MAD1L1: variants seen among roughly 807,000 people sequenced by gnomAD.
MAD1L1 encodes mitotic spindle assembly checkpoint protein MAD1.
In MAD1L1, 95 loss-of-function variants were observed where a neutral mutation model predicts 96.9. The observed-to-expected ratio is 0.98, with a 90% CI of 0.83 to 1.16. MAD1L1 has a LOEUF of 1.16. Ranked by LOEUF, MAD1L1 falls within the 50% of genes most tolerant of loss-of-function variation. The probability of loss-of-function intolerance (pLI) is 0.00; values close to 1 mark genes in which losing one functional copy is unlikely to be tolerated. For missense variants in MAD1L1, 1,007 were observed against 954.4 expected (o/e 1.06, Z -0.73); for synonymous variants, 473 against 396.6 (o/e 1.19, Z -2.29).
intron 14 of MAD1L1, among the ~76,000 whole-genome samples, chr7:1,986,117 G>A (rs1584000475): frequency 6.6e-6 from 1 of 152,210 alleles, no homozygotes; most frequent in African/African-American, 2.4e-5. Context: ...CAGTGGGGAA[G>A]GACAGGCCTG....
chr7:2,104,231 C>A (rs1014693679), intron 11 of MAD1L1, among the ~76,000 whole-genome samples: 7 of 152,252 alleles, frequency 4.6e-5, no homozygotes, highest in African/African-American at 1.7e-4. Flanking sequence ...GAGGCAAGCC[C>A]GGAGTCCCCT....
chr7:1,888,046 T>C (rs1786247893), intron 18 of MAD1L1, among the ~76,000 whole-genome samples: 1 of 150,606 alleles, frequency 6.6e-6, no homozygotes, highest in South Asian at 2.1e-4. Context: ...AGCATGTGTG[T>C]GTGAGCCTTC....
chr7:2,118,467 C>T (rs1276346463), intron 11 of MAD1L1, among the ~76,000 whole-genome samples: 4 of 152,206 alleles, frequency 2.6e-5, no homozygotes, highest in East Asian at 1.9e-4. Flanking sequence ...GCCGTGTGGG[C>T]GCGGTGAGCA....
chr7:1,882,608 C>T (rs1398413059), intron 18 of MAD1L1, among the ~76,000 whole-genome samples: 1 of 152,218 alleles, frequency 6.6e-6, no homozygotes, highest in African/African-American at 2.4e-5. Context: ...GTCCTGCTCA[C>T]CTCCTTTCCT....
At chr7:2,062,612 C>T (rs967533416) in intron 12 of MAD1L1, among the ~76,000 whole-genome samples, 4 of 152,178 alleles carry the variant, frequency 2.6e-5, no homozygotes, top group African/African-American at 9.6e-5. Flanking sequence ...TCAGGAGGCG[C>T]TTGCCCTGGA....
intron 4 of MAD1L1, chr7:2,223,706 A>C (rs1203432453): frequency 2.0e-5 from 3 of 152,298 alleles, no homozygotes; most frequent in Non-Finnish European, 4.4e-5. Context: ...CCCTTCTGTG[A>C]TGCAGGACAA....
Position 2,142,247 on chromosome 7 carries a change from C to T in MAD1L1, c.1073+6905G>A, listed in dbSNP as rs78417783. ...CCTTCGCCAAAGAACAAGGCAGGCA[C>T]GTGCCAGCATCCGCACTGGAACCAC... On this transcript the variant is annotated intron_variant, in intron 11 of 18. Transcript: ENST00000265854. The surrounding 1 kb of genome is among the most constrained non-coding windows in gnomAD (Gnocchi z 4.7). 8.2e-3 allele frequency among the ~76,000 whole-genome samples: 1,244 copies of T among 152,324 alleles called. 11 individuals are homozygous for T. Among genetic ancestry groups the T allele is most frequent in the Non-Finnish European group, 0.014 (920 of 68,022 alleles).
intron 10 of MAD1L1, among the ~76,000 whole-genome samples, chr7:2,209,290 C>G (rs1046512742): frequency 2.0e-5 from 3 of 152,172 alleles, no homozygotes; most frequent in African/African-American, 4.8e-5. Flanking sequence ...TCTCCTGGGG[C>G]TCAGCCAGGG....
At position 2,142,201 on chromosome 7, in the gene MAD1L1, T is replaced by C. The variant is rs1335961561; in HGVS notation, c.1073+6951A>G. Among the ~76,000 whole-genome samples, 3 of 152,128 alleles carry C rather than the reference T, an allele frequency of 2.0e-5. No homozygotes were observed. The highest frequency in any genetic ancestry group is 7.2e-5 in the African/African-American group (3 of 41,436). On this transcript the variant is annotated intron_variant, in intron 11 of 18. Coordinates refer to ENST00000265854, the MANE Select transcript of MAD1L1 (RefSeq NM_001013836.2). This position sits in a 1 kb window ranked among gnomAD's most constrained non-coding sequence, Gnocchi z 4.7. ...AGACGGCTTTTCAAAGGGCCCACAC[T>C]AGCCAAACTAACCCGAGCAGCCTTC...
intron 17 of MAD1L1, among the ~76,000 whole-genome samples, chr7:1,919,799 G>C (rs1788662174): frequency 6.6e-6 from 1 of 152,246 alleles, no homozygotes; most frequent in Non-Finnish European, 1.5e-5. Context: ...GACAGTGTGT[G>C]GCAACCCCTC....
In MAD1L1 at chr7:2,142,711, A is replaced by G. The variant is rs964208587; in HGVS notation, c.1073+6441T>C. Among the ~76,000 whole-genome samples, 1 of 152,246 alleles carries G rather than the reference A, an allele frequency of 6.6e-6. No individual in the cohort carries two copies. Among genetic ancestry groups the G allele is most frequent in the Non-Finnish European group, 1.5e-5 (1 of 68,046 alleles). Reference sequence around the variant, plus strand: ...AAGACCATTTACATCGAGTGGCGCCAAAGCCGAACGGACGCAACAAGGCCT... The same window carrying G: ...AAGACCATTTACATCGAGTGGCGCCGAAGCCGAACGGACGCAACAAGGCCT... On this transcript the variant is annotated intron_variant, in intron 11 of 18. Coordinates refer to ENST00000265854, the MANE Select transcript of MAD1L1 (RefSeq NM_001013836.2). The surrounding 1 kb of genome is among the most constrained non-coding windows in gnomAD (Gnocchi z 4.7).
rs186355919 is a variant in MAD1L1, at chr7:1,863,932, C to T, written c.1998+34268G>A. Reference sequence around the variant, plus strand: ...TGAAACCCCGTCTCTACTAAAAATACAAAAAATTAGCCAGGCATGGTGGCA... The same window carrying T: ...TGAAACCCCGTCTCTACTAAAAATATAAAAAATTAGCCAGGCATGGTGGCA... On this transcript the variant is annotated intron_variant, in intron 18 of 18. Transcript: ENST00000265854. 4.3e-3 allele frequency among the ~76,000 whole-genome samples: 662 copies of T among 152,298 alleles called. 2 individuals are homozygous for T. Among genetic ancestry groups the T allele is most frequent in the African/African-American group, 0.015 (628 of 41,572 alleles).
chr7:1,840,620 T>C (rs1203957431), intron 18 of MAD1L1, among the ~76,000 whole-genome samples: 1 of 152,038 alleles, frequency 6.6e-6, no homozygotes, highest in Non-Finnish European at 1.5e-5. Flanking sequence ...TCCCAGCTAC[T>C]CGGGAGGCTG....
chr7:1,980,808 T>C (rs1342425420), intron 14 of MAD1L1: 3 of 578,600 alleles, frequency 5.2e-6, no homozygotes, highest in South Asian at 3.1e-5. Flanking sequence ...GTGGGGTGCA[T>C]GTGAGAGTCT....
intron 10 of MAD1L1, among the ~76,000 whole-genome samples, chr7:2,201,563 C>G (rs1792301236): frequency 6.6e-6 from 1 of 152,214 alleles, no homozygotes; most frequent in African/African-American, 2.4e-5. Flanking sequence ...TAAAGCCTGT[C>G]ACTCTGGCCT....
chr7:1,994,233 G>A (rs1192159317), intron 14 of MAD1L1, among the ~76,000 whole-genome samples: 1 of 152,248 alleles, frequency 6.6e-6, no homozygotes, highest in Non-Finnish European at 1.5e-5. Flanking sequence ...CACACCCAGG[G>A]CAGCACAGGG....
chr7:1,824,598 C>T (rs1472670949), intron 18 of MAD1L1, among the ~76,000 whole-genome samples: 1 of 152,162 alleles, frequency 6.6e-6, no homozygotes, highest in Non-Finnish European at 1.5e-5. Flanking sequence ...GTCTGCCAGG[C>T]CCCGGAGCCC....
chr7:2,027,241 C>T (rs934810206), intron 12 of MAD1L1, among the ~76,000 whole-genome samples: 2 of 152,136 alleles, frequency 1.3e-5, no homozygotes, highest in Admixed American at 1.3e-4. Flanking sequence ...CAAGAAACCC[C>T]TAGGCCCAGA....
chr7:1,874,014 C>T (rs1445021869), intron 18 of MAD1L1, among the ~76,000 whole-genome samples: 2 of 152,196 alleles, frequency 1.3e-5, no homozygotes, highest in South Asian at 2.1e-4. Context: ...GGAACACACA[C>T]AGGCCCAGGC....
Sources: allele counts gnomAD v4.1 joint callset (sites outside exome capture counted in the v4.1 genomes callset), GRCh38; gene constraint gnomAD v4.1.1; non-coding constraint Gnocchi (gnomAD v3.1); transcripts MANE v1.5; gene names NCBI Gene and HGNC (gene_info 2026-07-23, HGNC 2026-07-21).